The following PARD3B variants were observed in gnomAD, a reference collection of about 807,000 sequenced individuals.
PARD3B encodes par-3 family cell polarity regulator beta.
In PARD3B, 103 loss-of-function variants were observed where a neutral mutation model predicts 130.2. That is an observed-to-expected ratio of 0.79 (90% confidence interval 0.67 to 0.93). PARD3B has a LOEUF of 0.93. Ranked by LOEUF, PARD3B falls within the 40% of genes least tolerant of loss-of-function variation. The probability of loss-of-function intolerance (pLI) is 0.00; values close to 1 mark genes in which losing one functional copy is unlikely to be tolerated. For missense variants in PARD3B, 1,609 were observed against 1,499.2 expected (o/e 1.07, Z -1.21); for synonymous variants, 583 against 553.2 (o/e 1.05, Z -0.76).
At chr2:204,715,398 A>G (rs576083128) in intron 2 of PARD3B, among the ~76,000 whole-genome samples, 2 of 152,084 alleles carry the variant, frequency 1.3e-5, no homozygotes, top group Non-Finnish European at 2.9e-5. Flanking sequence ...ATTTCACCAG[A>G]CAAGAATTTG....
intron 4 of PARD3B, among the ~76,000 whole-genome samples, chr2:205,083,157 G>A (rs1214157206): frequency 6.6e-6 from 1 of 151,966 alleles, no homozygotes; most frequent in East Asian, 1.9e-4. Flanking sequence ...CTGACCTCAT[G>A]ATCTGCCCAT....
intron 3 of PARD3B, among the ~76,000 whole-genome samples, chr2:204,995,405 G>A (rs1019559002): frequency 5.4e-5 from 8 of 146,792 alleles, no homozygotes; most frequent in African/African-American, 2.0e-4. Context: ...GTTGAATATT[G>A]GCCCCCACTC....
intron 2 of PARD3B, among the ~76,000 whole-genome samples, chr2:204,739,893 A>ATT (rs1209206192): frequency 2.6e-5 from 4 of 152,074 alleles, no homozygotes; most frequent in African/African-American, 9.7e-5. Flanking sequence ...TTTATTTTGT[A>ATT]ATCATAACAC....
At chr2:205,542,445 C>T (rs1490623487) in intron 21 of PARD3B, among the ~76,000 whole-genome samples, 1 of 151,306 alleles carries the variant, frequency 6.6e-6, no homozygotes, top group East Asian at 2.0e-4. Context: ...GACATAAGAA[C>T]ATCAGTTTTC....
intron 2 of PARD3B, among the ~76,000 whole-genome samples, chr2:204,875,600 T>G (rs1334954065): frequency 2.0e-5 from 3 of 152,184 alleles, no homozygotes; most frequent in Admixed American, 2.0e-4. Flanking sequence ...TAAGAGACTT[T>G]GGTTGGCCTG....
At chr2:204,616,172 A>T (rs1396820757) in intron 1 of PARD3B, among the ~76,000 whole-genome samples, 1 of 152,128 alleles carries the variant, frequency 6.6e-6, no homozygotes, top group Non-Finnish European at 1.5e-5. Flanking sequence ...CACGGTGGAG[A>T]GAATGAGATG....
intron 20 of PARD3B, among the ~76,000 whole-genome samples, chr2:205,444,927 C>T (rs1316744446): frequency 6.6e-6 from 1 of 152,030 alleles, no homozygotes; most frequent in East Asian, 1.9e-4. Flanking sequence ...TTAGAGAGAA[C>T]AGTTTTAGTA....
rs187484534 is a variant in PARD3B at position 205,205,551 on chromosome 2, A to T, written c.2140+12231A>T. Among the ~76,000 whole-genome samples the T allele has an allele frequency of 8.0e-3, 1,219 of 152,226 alleles. 17 individuals carry two copies. The highest frequency in any genetic ancestry group is 0.014 in the African/African-American group (571 of 41,550). Reference sequence around the variant, plus strand: ...TTTTCAAAGGGAATGCTTCCAGCTTATGCCCATTCAGTGTGATATTAGCTG... The same window carrying T: ...TTTTCAAAGGGAATGCTTCCAGCTTTTGCCCATTCAGTGTGATATTAGCTG... On this transcript the variant is annotated intron_variant, in intron 15 of 22. Coordinates refer to ENST00000406610, the MANE Select transcript of PARD3B (RefSeq NM_001302769.2).
Position 205,352,254 on chromosome 2 carries a change from G to GA in PARD3B, c.2631-48751dup, listed in dbSNP as rs1196955952. On this transcript the variant is annotated intron_variant, in intron 18 of 22. Coordinates refer to ENST00000406610, the MANE Select transcript of PARD3B (RefSeq NM_001302769.2). This position sits in a 1 kb window ranked among gnomAD's most constrained non-coding sequence, Gnocchi z 5.2. Reference sequence around the variant, plus strand: ...ATATTTAAACCATGTGTGAAGGAGGGAAAAAAAACATAGTAGAGCTTTTCT... The same window carrying GA: ...ATATTTAAACCATGTGTGAAGGAGGGAAAAAAAAACATAGTAGAGCTTTTCT... 3.3e-5 allele frequency among the ~76,000 whole-genome samples: 5 copies of GA among 151,546 alleles called. No homozygotes were observed. The highest frequency in any genetic ancestry group is 9.7e-5 in the African/African-American group (4 of 41,284).
At chr2:205,069,337 C>T (rs1443114471) in intron 4 of PARD3B, among the ~76,000 whole-genome samples, 11 of 151,868 alleles carry the variant, frequency 7.2e-5, no homozygotes, top group Admixed American at 7.2e-4. Context: ...TTACCATAGG[C>T]ATGTCTGTTA....
chr2:205,183,537 C>T lies in PARD3B; in HGVS notation c.1925-2227C>T, dbSNP rs969052969. On this transcript the variant is annotated intron_variant, in intron 13 of 22. Coordinates refer to ENST00000406610, the MANE Select transcript of PARD3B (RefSeq NM_001302769.2). The surrounding 1 kb of genome is among the most constrained non-coding windows in gnomAD (Gnocchi z 5.2). ...CCTAGGGTTGGAGGTGGTGCAGGGG[C>T]ACAGTGCAGGCGCTGCCTTTGTGCT... 5.3e-5 allele frequency among the ~76,000 whole-genome samples: 8 copies of T among 152,112 alleles called. No individual in the cohort carries two copies. The highest frequency in any genetic ancestry group is 2.1e-4 in the South Asian group (1 of 4,836).
chr2:205,499,679 C>T (rs768844847), intron 20 of PARD3B, among the ~76,000 whole-genome samples: 5 of 152,168 alleles, frequency 3.3e-5, no homozygotes, highest in Non-Finnish European at 7.3e-5. Context: ...ATTTATTCAT[C>T]CCAAGTCAGA....
chr2:204,872,000 C>T (rs1363633577), intron 2 of PARD3B, among the ~76,000 whole-genome samples: 2 of 152,008 alleles, frequency 1.3e-5, no homozygotes, highest in Non-Finnish European at 2.9e-5. Context: ...TACTGAGCAA[C>T]TCAAAAAACA....
At chr2:205,581,102 G>A (rs1030468221) in intron 22 of PARD3B, among the ~76,000 whole-genome samples, 10 of 151,782 alleles carry the variant, frequency 6.6e-5, no homozygotes, top group Non-Finnish European at 1.0e-4. Context: ...CAAAAGAAAG[G>A]GAATTGGTAT....
intron 2 of PARD3B, among the ~76,000 whole-genome samples, chr2:204,873,124 T>C (rs1270249016): frequency 6.6e-6 from 1 of 152,148 alleles, no homozygotes; most frequent in Admixed American, 6.6e-5. Context: ...GATAGAGGTG[T>C]TACATGTGAA....
chr2:204,558,589 A>G (rs113607851), intron 1 of PARD3B, among the ~76,000 whole-genome samples: 2 of 152,314 alleles, frequency 1.3e-5, no homozygotes, highest in African/African-American at 4.8e-5. Flanking sequence ...GATAGGAAGA[A>G]TCAATATCGT....
chr2:204,639,317 A>G (rs763067864), intron 1 of PARD3B, among the ~76,000 whole-genome samples: 2 of 152,220 alleles, frequency 1.3e-5, no homozygotes, highest in Non-Finnish European at 2.9e-5. Flanking sequence ...CAAAATTTCT[A>G]GGAAAGTATG....
chr2:205,322,485 C>T (rs181679445), intron 18 of PARD3B, among the ~76,000 whole-genome samples: 9 of 152,286 alleles, frequency 5.9e-5, no homozygotes, highest in South Asian at 2.1e-4. Flanking sequence ...TGAACATTCA[C>T]GCCAGCTCTT....
chr2:204,939,886 G>A (rs1221180623), intron 2 of PARD3B, among the ~76,000 whole-genome samples: 5 of 152,078 alleles, frequency 3.3e-5, no homozygotes, highest in Non-Finnish European at 7.4e-5. Context: ...CTTTTCTCAA[G>A]CCATTGGCCC....
Sources: gnomAD v4.1 joint callset for allele counts (sites outside exome capture counted in the v4.1 genomes callset) on GRCh38, gnomAD v4.1.1 for gene constraint, Gnocchi (gnomAD v3.1) non-coding constraint, MANE v1.5 for transcripts, NCBI Gene and HGNC (gene_info 2026-07-23, HGNC 2026-07-21) for gene names.